The following CAPS2 variants were observed in gnomAD, a reference collection of about 807,000 sequenced individuals.
The protein encoded by CAPS2 is calcyphosin-2.
In CAPS2, 98 loss-of-function variants were observed where a neutral mutation model predicts 86.5. That is an observed-to-expected ratio of 1.13 (90% CI 0.96 to 1.34). The LOEUF is 1.34. Among genes scored for constraint, CAPS2 ranks in the 40% most tolerant of loss-of-function variants. The pLI, the probability that CAPS2 is intolerant of heterozygous loss-of-function variation, is 0.00. For synonymous variants in CAPS2, 210 were observed against 225.1 expected, an observed-to-expected ratio of 0.93 and a Z score of 0.60; for missense variants, 729 against 686.8, an observed-to-expected ratio of 1.06 and a Z score of -0.69.
chr12:75,312,899 T>C, exon 7 of CAPS2: 1 of 1,606,410 alleles, frequency 6.2e-7, no homozygotes, highest in Non-Finnish European at 8.5e-7. Context: ...TTTCTTCTTC[T>C]CTGCAGCCAC....
chr12:75,333,079 T>G (rs555477086), upstream of CAPS2, among the ~76,000 whole-genome samples: 1 of 152,304 alleles, frequency 6.6e-6, no homozygotes, highest in African/African-American at 2.4e-5. Context: ...TTATGTAGTG[T>G]CTTTTGGGCC....
intron 1 of CAPS2, chr12:75,370,145 G>T: frequency 6.3e-7 from 1 of 1,598,490 alleles, no homozygotes; most frequent in Non-Finnish European, 8.6e-7. Flanking sequence ...AATCCATTCA[G>T]CTTAGGTTTT....
At chr12:75,345,802 T>C (rs1293734966) in intron 1 of CAPS2, among the ~76,000 whole-genome samples, 1 of 152,312 alleles carries the variant, frequency 6.6e-6, no homozygotes, top group South Asian at 2.1e-4. Context: ...TCTCTTTTGC[T>C]GTAAAGTAAA....
upstream of CAPS2, chr12:75,334,918 G>A (rs769827041): frequency 6.2e-7 from 1 of 1,609,786 alleles, no homozygotes; most frequent in Non-Finnish European, 8.5e-7. Context: ...AAAGAACCAG[G>A]GCTGGGCTCT....
chr12:75,298,666 G>A (rs12299363), intron 11 of CAPS2, 21 bp downstream of exon 11: 9 of 1,571,674 alleles, frequency 5.7e-6, no homozygotes, highest in South Asian at 5.6e-5. Flanking sequence ...TTAAATGTGT[G>A]CACACACACA....
upstream of CAPS2, among the ~76,000 whole-genome samples, chr12:75,333,500 A>C (rs1372353385): frequency 2.0e-5 from 3 of 152,168 alleles, no homozygotes; most frequent in Admixed American, 6.5e-5. Flanking sequence ...GGGATATCAG[A>C]AGCTCAGTTT....
chr12:75,339,780 G>C (rs2041981120), intron 1 of CAPS2, among the ~76,000 whole-genome samples: 1 of 151,970 alleles, frequency 6.6e-6, no homozygotes, highest in Non-Finnish European at 1.5e-5. Context: ...TGTAAGGAAG[G>C]GGTCCAGTTT....
At chr12:75,293,338 A>T (rs1475963705) in exon 12 of CAPS2, 14 of 1,611,850 alleles carry the variant, frequency 8.7e-6, no homozygotes, top group Non-Finnish European at 1.1e-5. Context: ...GGCTGAGATG[A>T]TCAGAACTCA....
At chr12:75,278,002 C>T (rs1195459272) in exon 17 of CAPS2, 4 of 891,262 alleles carry the variant, frequency 4.5e-6, no homozygotes, top group Non-Finnish European at 5.4e-6. Flanking sequence ...ACAAAATATG[C>T]TTTCACATTT....
At chr12:75,298,910 G>C in exon 10 of CAPS2, 1 of 1,611,450 alleles carries the variant, frequency 6.2e-7, no homozygotes. Flanking sequence ...AATTGTAAGG[G>C]ATTGGTCATG....
intron 1 of CAPS2, among the ~76,000 whole-genome samples, chr12:75,370,713 T>A (rs757329549): frequency 9.2e-5 from 14 of 152,144 alleles, no homozygotes. Context: ...CAAATTAAAG[T>A]TGCACTCTTC....
At chr12:75,387,556 A>G (rs780799945) in intron 1 of CAPS2, among the ~76,000 whole-genome samples, 37 of 152,228 alleles carry the variant, frequency 2.4e-4, no homozygotes, top group Non-Finnish European at 4.4e-4. Flanking sequence ...TGTTGCTCAT[A>G]AGAAAATACC....
downstream of CAPS2, chr12:75,276,186 T>C: frequency 6.5e-7 from 1 of 1,535,638 alleles, no homozygotes; most frequent in Non-Finnish European, 8.8e-7. Context: ...TTACCTTCTA[T>C]TTCTTTGTTT....
chr12:75,300,446 C>A (rs971212141), intron 8 of CAPS2, among the ~76,000 whole-genome samples: 6 of 150,636 alleles, frequency 4.0e-5, no homozygotes, highest in African/African-American at 1.5e-4. Context: ...GTCTCAGCTA[C>A]TCAGGAGGCT....
intron 1 of CAPS2, among the ~76,000 whole-genome samples, chr12:75,363,443 C>T (rs1268982015): frequency 6.6e-6 from 1 of 152,124 alleles, no homozygotes; most frequent in Admixed American, 6.6e-5. Context: ...TTTGCTGCTG[C>T]ACTGAAAATA....
chr12:75,333,177 C>T (rs900982245), upstream of CAPS2, among the ~76,000 whole-genome samples: 1 of 152,094 alleles, frequency 6.6e-6, no homozygotes, highest in African/African-American at 2.4e-5. Context: ...TGTATACAAA[C>T]ATATGTATAT....
upstream of CAPS2, chr12:75,334,146 C>A (rs1044336614): frequency 5.9e-5 from 9 of 151,932 alleles, no homozygotes; most frequent in African/African-American, 2.2e-4. Context: ...TCTCTTCAGA[C>A]GAAAAAACAG....
intron 1 of CAPS2, among the ~76,000 whole-genome samples, chr12:75,379,259 T>C (rs1032580027): frequency 1.3e-5 from 2 of 152,210 alleles, no homozygotes; most frequent in African/African-American, 4.8e-5. Flanking sequence ...TATAGGAACT[T>C]TCAAGTTGTG....
intron 1 of CAPS2, chr12:75,369,787 A>G: frequency 1.0e-6 from 1 of 983,562 alleles, no homozygotes; most frequent in Non-Finnish European, 1.2e-6. Context: ...GGTAGGAAGC[A>G]TCGTAAAGAG....
Sources: gnomAD v4.1 joint callset for allele counts (sites outside exome capture counted in the v4.1 genomes callset) on GRCh38, gnomAD v4.1.1 for gene constraint, MANE v1.5 for transcripts, NCBI Gene and HGNC (gene_info 2026-07-23, HGNC 2026-07-21) for gene names.